ATP6V0E1: variants seen among roughly 807,000 people sequenced by gnomAD.
ATP6V0E1 encodes the protein ATPase H+ transporting V0 subunit e1, also known as V-type proton ATPase subunit e 1.
A neutral mutation model predicts 11.6 loss-of-function variants in ATP6V0E1; 4 were observed. The ratio of observed to expected loss-of-function variants is 0.35; its 90% CI spans 0.17 to 0.79. The LOEUF is 0.79. Among genes scored for constraint, ATP6V0E1 ranks in the 30% least tolerant of loss-of-function variants. ATP6V0E1 has a pLI of 0.54. For missense variants in ATP6V0E1, 105 were observed against 100.0 expected, an observed-to-expected ratio of 1.05 and a Z score of -0.21; for synonymous variants, 36 against 34.8, an observed-to-expected ratio of 1.04 and a Z score of -0.13.
At chr5:173,025,504 C>CATT (rs1756545037) in intron 3 of ATP6V0E1, among the ~76,000 whole-genome samples, 2 of 65,566 alleles carry the variant, frequency 3.1e-5, no homozygotes, top group Non-Finnish European at 5.5e-5. Flanking sequence ...ATATAAAATA[C>CATT]TTTTTTTTTT....
chr5:172,985,399 A>G (rs1241703801), intron 1 of ATP6V0E1, among the ~76,000 whole-genome samples: 3 of 152,160 alleles, frequency 2.0e-5, no homozygotes, highest in Non-Finnish European at 4.4e-5. Flanking sequence ...TATCATTTTT[A>G]AGTATCAAGT....
At chr5:172,995,664 G>A (rs964956959) in intron 2 of ATP6V0E1, among the ~76,000 whole-genome samples, 1 of 152,116 alleles carries the variant, frequency 6.6e-6, no homozygotes, top group Non-Finnish European at 1.5e-5. Flanking sequence ...CTGTCACCCA[G>A]GCTGGAATGG....
chr5:173,005,881 T>TA (rs1327279496), intron 2 of ATP6V0E1, among the ~76,000 whole-genome samples: 4 of 152,220 alleles, frequency 2.6e-5, no homozygotes, highest in African/African-American at 9.6e-5. Flanking sequence ...TTGTGGTGTT[T>TA]AATTTCTAAA....
intron 3 of ATP6V0E1, among the ~76,000 whole-genome samples, chr5:173,032,640 C>T (rs1301350973): frequency 6.6e-6 from 1 of 152,096 alleles, no homozygotes; most frequent in Non-Finnish European, 1.5e-5. Context: ...AACTATCCCC[C>T]ATTTGTATAT....
chr5:173,008,726 G>A lies in ATP6V0E1; in HGVS notation c.153-11512G>A, dbSNP rs748892122. 3.0e-3 allele frequency among the ~76,000 whole-genome samples: 446 copies of A among 149,374 alleles called. 3 individuals carry two copies. The highest frequency in any genetic ancestry group is 0.01 in the Middle Eastern group (3 of 294). On this transcript the variant is annotated intron_variant, in intron 2 of 3. Transcript: ENST00000519374. ...AGATCGAGACCATCCTGGCTAATGC[G>A]GTGAAACCCCATCTCTACTAAAAAT...
rs146633218 is a variant in ATP6V0E1 at position 173,024,244 on chromosome 5, C to T, written c.*36+3877C>T. On this transcript the variant is annotated intron_variant, in intron 3 of 3. Transcript: ENST00000519374. ...AAGAAATACAGATCATACAAAAATACGGGAAAAGCAGAATACAGGTTTAAT... is the reference window on the plus strand; with the variant it reads ...AAGAAATACAGATCATACAAAAATATGGGAAAAGCAGAATACAGGTTTAAT... Among the ~76,000 whole-genome samples, 924 of 148,902 alleles carry T rather than the reference C, an allele frequency of 6.2e-3. 8 individuals are homozygous for T. Among genetic ancestry groups the T allele is most frequent in the South Asian group, 0.032 (150 of 4,668 alleles).
rs749199804 is a variant in ATP6V0E1, at chr5:173,020,321, A to G, written c.236A>G (p.His79Arg). 41 of 1,612,148 alleles carry G rather than the reference A, an allele frequency of 2.5e-5. No homozygotes were observed. The highest frequency in any genetic ancestry group is 3.4e-5 in the Non-Finnish European group (40 of 1,178,364). Residue 79 changes from histidine to arginine, a missense_variant, in exon 3 of 4, where the codon CAT (histidine) becomes CGT (arginine). Coordinates refer to ENST00000519374, the MANE Select transcript of ATP6V0E1 (RefSeq NM_003945.4). ...GAAACCATCTGGTATCTGAAGTATC[A>G]TTGGCCTTGAGGAAGAAGACATGCT... The part of the protein sequence containing the change: ...KNETIWYLKY[H>R]WP
At chr5:173,014,421 A>G (rs1037881864) in intron 2 of ATP6V0E1, among the ~76,000 whole-genome samples, 2 of 152,236 alleles carry the variant, frequency 1.3e-5, no homozygotes, top group African/African-American at 4.8e-5. Context: ...GCACTCTCGC[A>G]TGTTGATCGC....
At chr5:173,000,793 C>CAGGTTCA (rs1341739007) in intron 2 of ATP6V0E1, among the ~76,000 whole-genome samples, 1 of 151,848 alleles carries the variant, frequency 6.6e-6, no homozygotes, top group Non-Finnish European at 1.5e-5. Flanking sequence ...CTCCACCTCC[C>CAGGTTCA]AGGTTCAAGT....
At chr5:173,024,063 T>A (rs1349938745) in intron 3 of ATP6V0E1, among the ~76,000 whole-genome samples, 1 of 151,060 alleles carries the variant, frequency 6.6e-6, no homozygotes, top group African/African-American at 2.4e-5. Flanking sequence ...CCAGGCATGG[T>A]GGTGGGCGCC....
intron 3 of ATP6V0E1, among the ~76,000 whole-genome samples, chr5:173,025,868 T>C (rs1756551301): frequency 1.3e-5 from 2 of 152,132 alleles, no homozygotes; most frequent in Non-Finnish European, 2.9e-5. Context: ...CTGAGGTCAC[T>C]TAGAATAACA....
At position 173,034,468 on chromosome 5, in the gene ATP6V0E1, G is replaced by A; in HGVS notation, c.*106G>A. ...CCAGACCACTTTTCTTGACTTGCCT[G>A]TTTTGGCCATTAGCTGCCTTAAACG... On this transcript the variant is annotated 3_prime_UTR_variant, in exon 4 of 4. Transcript: ENST00000519374. 1.4e-6 allele frequency: 1 copy of A among 702,654 alleles called. No individual in the cohort carries two copies. Among genetic ancestry groups the A allele is most frequent in the Non-Finnish European group, 2.6e-6 (1 of 384,730 alleles). The allele number at this position is 702,654 out of a possible 1,614,324, so 43.5% of individuals were successfully genotyped here.
intron 1 of ATP6V0E1, among the ~76,000 whole-genome samples, chr5:172,993,690 C>CT (rs1756020093): frequency 7.9e-6 from 1 of 126,266 alleles, no homozygotes; most frequent in Non-Finnish European, 1.6e-5. Context: ...CCCCCCCCCC[C>CT]GACCCCACCT....
At chr5:173,024,976 G>C (rs993797531) in intron 3 of ATP6V0E1, among the ~76,000 whole-genome samples, 15 of 149,876 alleles carry the variant, frequency 1.0e-4, no homozygotes, top group Non-Finnish European at 8.9e-5. Flanking sequence ...CCAAGTAGCT[G>C]GGATTACAGG....
At chr5:173,022,400 C>T (rs1756499591) in intron 3 of ATP6V0E1, among the ~76,000 whole-genome samples, 1 of 152,130 alleles carries the variant, frequency 6.6e-6, no homozygotes, top group African/African-American at 2.4e-5. Flanking sequence ...TGATTTTATC[C>T]ATTGATGATC....
chr5:173,014,194 A>T (rs1333964213), intron 2 of ATP6V0E1, among the ~76,000 whole-genome samples: 1 of 151,766 alleles, frequency 6.6e-6, no homozygotes, highest in Admixed American at 6.6e-5. Flanking sequence ...AAAAAATAAC[A>T]GATGCCAGCA....
Position 172,992,111 on chromosome 5 carries a change from C to T in ATP6V0E1, c.105-2664C>T, listed in dbSNP as rs571407724. On this transcript the variant is annotated intron_variant, in intron 1 of 3. Transcript: ENST00000519374. The stretch of plus-strand genomic sequence containing the variant: ...TGTCGCCCAGGCTGGAGTGCAGTGG[C>T]GCGATCTCGGCTCACTGCAAGCTCC... 8.0e-3 allele frequency among the ~76,000 whole-genome samples: 1,219 copies of T among 151,874 alleles called. 14 individuals carry two copies. Among genetic ancestry groups the T allele is most frequent in the African/African-American group, 0.028 (1,159 of 41,416 alleles).
chr5:172,998,469 C>T (rs571396464), intron 2 of ATP6V0E1, among the ~76,000 whole-genome samples: 4 of 151,802 alleles, frequency 2.6e-5, no homozygotes, highest in African/African-American at 4.8e-5. Flanking sequence ...AAATTAGCTG[C>T]GCGTGATGGT....
At chr5:173,031,255 T>A (rs532884876) in intron 3 of ATP6V0E1, among the ~76,000 whole-genome samples, 1 of 145,716 alleles carries the variant, frequency 6.9e-6, no homozygotes, top group Admixed American at 6.9e-5. Flanking sequence ...AATTTTTGTA[T>A]TTTTTTTTTA....
Sources: allele counts gnomAD v4.1 joint callset (sites outside exome capture counted in the v4.1 genomes callset), GRCh38; gene constraint gnomAD v4.1.1; transcripts MANE v1.5; gene names NCBI Gene and HGNC (gene_info 2026-07-23, HGNC 2026-07-21).